Variants in GPC6 observed in about 807,000 individuals in gnomAD.
GPC6 encodes glypican-6.
In GPC6, 14 loss-of-function variants were observed where a neutral mutation model predicts 55.2. That is an observed-to-expected ratio of 0.25 (90% CI 0.17 to 0.40). GPC6 has a LOEUF of 0.40. Ranked by LOEUF, GPC6 falls within the 10% of genes least tolerant of loss-of-function variation. GPC6 has a pLI of 1.00. For synonymous variants in GPC6, 278 were observed against 259.6 expected, an observed-to-expected ratio of 1.07 and a Z score of -0.68; for missense variants, 641 against 708.5, an observed-to-expected ratio of 0.90 and a Z score of 1.08.
intron 2 of GPC6, among the ~76,000 whole-genome samples, chr13:93,604,869 G>A (rs998408215): frequency 1.3e-5 from 2 of 152,108 alleles, no homozygotes; most frequent in African/African-American, 4.8e-5. Context: ...AATAAACACA[G>A]GTGTTTGTAA....
At chr13:94,181,842 A>C (rs1452961577) in intron 4 of GPC6, among the ~76,000 whole-genome samples, 2 of 152,202 alleles carry the variant, frequency 1.3e-5, no homozygotes, top group African/African-American at 2.4e-5. Flanking sequence ...TTTATTGAGC[A>C]CTCACTAAGT....
intron 1 of GPC6, among the ~76,000 whole-genome samples, chr13:93,376,168 C>G (rs1163813726): frequency 6.6e-6 from 1 of 151,072 alleles, no homozygotes; most frequent in African/African-American, 2.4e-5. Context: ...GTGGAAGTAG[C>G]AAGGTCAGAG....
intron 2 of GPC6, among the ~76,000 whole-genome samples, chr13:93,739,546 C>T (rs967850437): frequency 1.1e-4 from 16 of 151,862 alleles, no homozygotes; most frequent in African/African-American, 3.9e-4. Context: ...TCTCCTGCCT[C>T]AGCCTCCTGA....
At chr13:93,309,326 A>G (rs1296651772) in intron 1 of GPC6, among the ~76,000 whole-genome samples, 1 of 152,156 alleles carries the variant, frequency 6.6e-6, no homozygotes, top group Non-Finnish European at 1.5e-5. Flanking sequence ...TCACTATAAT[A>G]TTTGAAATAT....
intron 1 of GPC6, among the ~76,000 whole-genome samples, chr13:93,467,257 C>T (rs987446414): frequency 1.3e-5 from 2 of 152,038 alleles, no homozygotes; most frequent in Non-Finnish European, 1.5e-5. Context: ...ATGTCATGAC[C>T]CCTGATTGGT....
At chr13:93,246,983 A>C (rs2139023064) in intron 1 of GPC6, among the ~76,000 whole-genome samples, 1 of 151,172 alleles carries the variant, frequency 6.6e-6, no homozygotes. Context: ...AATTTCTGGT[A>C]ATTTGTTCTC....
chr13:94,375,360 G>A (rs1879796163), intron 6 of GPC6, among the ~76,000 whole-genome samples: 1 of 151,984 alleles, frequency 6.6e-6, no homozygotes, highest in South Asian at 2.1e-4. Context: ...AAAAAATAAG[G>A]GGGATATCAC....
At chr13:93,368,362 TTCCTTCCTTCCTTCCTTCCTTCCTTCCG>T (rs1235915697) in intron 1 of GPC6, among the ~76,000 whole-genome samples, 58 of 115,254 alleles carry the variant, frequency 5.0e-4, no homozygotes, top group Non-Finnish European at 1.0e-3. Flanking sequence ...CCTTCCTTCC[TTCCTTCCTTCCTTCCTTCCTTCCTTCCG>T]TCCTTCCTTC....
At chr13:94,145,754 G>A (rs1259356540) in intron 4 of GPC6, among the ~76,000 whole-genome samples, 1 of 152,158 alleles carries the variant, frequency 6.6e-6, no homozygotes, top group East Asian at 1.9e-4. Context: ...ACTGATTAAA[G>A]GAGTCATACT....
intron 3 of GPC6, among the ~76,000 whole-genome samples, chr13:93,896,183 C>T (rs1041013825): frequency 3.3e-5 from 5 of 151,802 alleles, no homozygotes; most frequent in African/African-American, 1.2e-4. Context: ...TATTATGTGG[C>T]CATAAAAATT....
chr13:94,188,778 G>A (rs1234868480), intron 4 of GPC6, among the ~76,000 whole-genome samples: 4 of 152,090 alleles, frequency 2.6e-5, no homozygotes, highest in African/African-American at 9.7e-5. Flanking sequence ...CATAGCTGGT[G>A]ACCGATTTGT....
intron 1 of GPC6, among the ~76,000 whole-genome samples, chr13:93,321,710 C>G (rs1566297997): frequency 6.6e-6 from 1 of 152,118 alleles, no homozygotes; most frequent in Non-Finnish European, 1.5e-5. Flanking sequence ...TCAGTAAATA[C>G]ACTCATCTAA....
At position 93,864,001 on chromosome 13, in the gene GPC6, C is replaced by A. The variant is rs74833740; in HGVS notation, c.711+33456C>A. Among the ~76,000 whole-genome samples the A allele has an allele frequency of 3.5e-3, 534 of 151,678 alleles. 1 individual carries two copies. The highest frequency in any genetic ancestry group is 0.013 in the African/African-American group (522 of 41,438). On this transcript the variant is annotated intron_variant, in intron 3 of 8. Transcript: ENST00000377047. ...GTTTCTAAAATGTTTTCCCATCTTG[C>A]CTTTGTAGGGAACACTCTTAAAATG... is the stretch of plus-strand genomic sequence containing the variant.
At chr13:93,392,987 C>T (rs1471500733) in intron 1 of GPC6, among the ~76,000 whole-genome samples, 1 of 151,570 alleles carries the variant, frequency 6.6e-6, no homozygotes, top group African/African-American at 2.4e-5. Context: ...ACAGAAGATT[C>T]TTGGAGTTTA....
chr13:93,480,353 G>A (rs904390082), intron 1 of GPC6, among the ~76,000 whole-genome samples: 2 of 152,026 alleles, frequency 1.3e-5, no homozygotes, highest in African/African-American at 2.4e-5. Context: ...CTTTTCAAAC[G>A]GTTGAAATGG....
chr13:93,223,513 T>G (rs2138990346), upstream of GPC6, among the ~76,000 whole-genome samples: 1 of 152,008 alleles, frequency 6.6e-6, no homozygotes, highest in African/African-American at 2.4e-5. Flanking sequence ...GCGTGATCTC[T>G]GCTCACTGTT....
At chr13:94,043,107 T>C (rs1314930052) in intron 4 of GPC6, among the ~76,000 whole-genome samples, 2 of 151,804 alleles carry the variant, frequency 1.3e-5, no homozygotes, top group African/African-American at 4.8e-5. Flanking sequence ...CAATTTCTCA[T>C]TTTTACCATT....
chr13:94,275,667 T>C (rs1026174856), intron 4 of GPC6, among the ~76,000 whole-genome samples: 1 of 151,904 alleles, frequency 6.6e-6, no homozygotes. Context: ...AGGGAAAATA[T>C]TGGTAATTCA....
chr13:94,371,304 T>C (rs530737715), intron 6 of GPC6, among the ~76,000 whole-genome samples: 87 of 152,276 alleles, frequency 5.7e-4, no homozygotes, highest in Non-Finnish European at 8.7e-4. Context: ...CTGAATCACA[T>C]TGAATCTCTT....
Sources: allele counts gnomAD v4.1 joint callset (sites outside exome capture counted in the v4.1 genomes callset), GRCh38; gene constraint gnomAD v4.1.1; transcripts MANE v1.5; gene names NCBI Gene and HGNC (gene_info 2026-07-23, HGNC 2026-07-21).